HMG20A: variants seen among roughly 807,000 people sequenced by gnomAD.
HMG20A encodes high mobility group protein 20A.
A neutral mutation model predicts 43.9 loss-of-function variants in HMG20A; 17 were observed. The ratio of observed to expected loss-of-function variants is 0.39; its 90% confidence interval spans 0.27 to 0.58. HMG20A has a LOEUF of 0.58. HMG20A is among the 20% of genes least tolerant of loss of function. HMG20A has a pLI of 0.59. For missense variants in HMG20A, 341 were observed against 438.2 expected, an observed-to-expected ratio of 0.78 and a Z score of 1.98; for synonymous variants, 132 against 147.5, an observed-to-expected ratio of 0.89 and a Z score of 0.76.
intron 5 of HMG20A, among the ~76,000 whole-genome samples, chr15:77,471,255 T>G (rs1426980568): frequency 6.6e-6 from 1 of 152,192 alleles, no homozygotes; most frequent in African/African-American, 2.4e-5. Flanking sequence ...TTATCAATGA[T>G]TTTGACTTGT....
chr15:77,513,364 G>C, the HMG20A span, among the ~76,000 whole-genome samples: 2 of 152,170 alleles, frequency 1.3e-5, no homozygotes, highest in African/African-American at 4.8e-5. Flanking sequence ...CCTGGGGACA[G>C]AGCCAATAGA....
chr15:77,432,606 C>T (rs982439301), intron 1 of HMG20A, among the ~76,000 whole-genome samples: 1 of 151,440 alleles, frequency 6.6e-6, no homozygotes, highest in African/African-American at 2.4e-5. Flanking sequence ...CCTGTAATCC[C>T]AGCTACTCAG....
chr15:77,461,622 A>G (rs183021374), intron 2 of HMG20A, among the ~76,000 whole-genome samples: 36 of 152,168 alleles, frequency 2.4e-4, no homozygotes, highest in Non-Finnish European at 4.3e-4. Flanking sequence ...CTTGTCATCA[A>G]GAAGGCATGT....
intron 6 of HMG20A, among the ~76,000 whole-genome samples, chr15:77,473,916 C>T (rs954361680): frequency 6.6e-6 from 1 of 152,076 alleles, no homozygotes; most frequent in Non-Finnish European, 1.5e-5. Context: ...GCGTGTTGAC[C>T]CAATTAATGT....
At chr15:77,469,292 C>T (rs1482203642) in intron 4 of HMG20A, among the ~76,000 whole-genome samples, 1 of 121,178 alleles carries the variant, frequency 8.3e-6, no homozygotes, top group East Asian at 2.4e-4. Flanking sequence ...ATTTAGCATC[C>T]ATTGATTATT....
chr15:77,479,914 C>T (rs1036594502), intron 9 of HMG20A, among the ~76,000 whole-genome samples: 4 of 152,198 alleles, frequency 2.6e-5, no homozygotes, highest in African/African-American at 9.7e-5. Context: ...ATTCACCACT[C>T]AATAACACAG....
chr15:77,513,653 T>C, the HMG20A span, among the ~76,000 whole-genome samples: 1 of 152,264 alleles, frequency 6.6e-6, no homozygotes, highest in African/African-American at 2.4e-5. Flanking sequence ...ACTTGGTGTC[T>C]CTTTCTCTTC....
At chr15:77,471,671 AT>A (rs1164723098) in intron 5 of HMG20A, 111 bp from the exon 6 acceptor site, 1 of 703,762 alleles carries the variant, frequency 1.4e-6, no homozygotes, top group Non-Finnish European at 2.5e-6. Context: ...ATCATATGTT[AT>A]GAGAATCTAC....
chr15:77,435,536 C>T (rs1028780585), intron 1 of HMG20A, among the ~76,000 whole-genome samples: 2 of 152,064 alleles, frequency 1.3e-5, no homozygotes, highest in African/African-American at 2.4e-5. Context: ...TCAAGTGATC[C>T]GCCCGCCTCG....
At chr15:77,508,821 A>T in the HMG20A span, among the ~76,000 whole-genome samples, 1 of 152,202 alleles carries the variant, frequency 6.6e-6, no homozygotes, top group Non-Finnish European at 1.5e-5. Flanking sequence ...CCTGACTCTT[A>T]TTCTGTGGTT....
intron 1 of HMG20A, among the ~76,000 whole-genome samples, chr15:77,451,065 G>C (rs979534995): frequency 1.3e-5 from 2 of 152,300 alleles, no homozygotes; most frequent in South Asian, 2.1e-4. Flanking sequence ...TATGCACTAA[G>C]TTTCCTCCAT....
the HMG20A span, among the ~76,000 whole-genome samples, chr15:77,499,296 ATC>A: frequency 6.6e-6 from 1 of 152,048 alleles, no homozygotes; most frequent in Non-Finnish European, 1.5e-5. Flanking sequence ...GGAGTTCCTG[ATC>A]TCTCTTTCCA....
At chr15:77,464,144 G>A in intron 2 of HMG20A, 96 bp from the exon 3 acceptor site, 1 of 1,293,756 alleles carries the variant, frequency 7.7e-7, no homozygotes, top group Non-Finnish European at 1.1e-6. Context: ...ATTAATTCAA[G>A]GACTGGCATG....
chr15:77,499,842 T>C, the HMG20A span, among the ~76,000 whole-genome samples: 1 of 151,910 alleles, frequency 6.6e-6, no homozygotes. Flanking sequence ...TTCTTTTTTT[T>C]TTTTTGAGAC....
chr15:77,470,495 CA>C (rs2072797078), intron 4 of HMG20A, among the ~76,000 whole-genome samples: 1 of 152,126 alleles, frequency 6.6e-6, no homozygotes, highest in South Asian at 2.1e-4. Flanking sequence ...GACAGCAAAA[CA>C]AAGTAATATT....
At chr15:77,473,572 T>C (rs1174734452) in intron 6 of HMG20A, among the ~76,000 whole-genome samples, 1 of 152,272 alleles carries the variant, frequency 6.6e-6, no homozygotes, top group Non-Finnish European at 1.5e-5. Flanking sequence ...CTGGCCAAAC[T>C]ATATGTAGCA....
At chr15:77,489,783 G>A (rs1303270208), downstream of HMG20A, among the ~76,000 whole-genome samples, 1 of 152,214 alleles carries the variant, frequency 6.6e-6, no homozygotes, top group Non-Finnish European at 1.5e-5. Context: ...AATGAACTCT[G>A]GAATTTCAAG....
chr15:77,499,501 C>T, the HMG20A span, among the ~76,000 whole-genome samples: 1 of 152,228 alleles, frequency 6.6e-6, no homozygotes, highest in East Asian at 1.9e-4. Flanking sequence ...CTGCTCCCAG[C>T]CCTCCACATC....
At chr15:77,496,206 G>A in the HMG20A span, among the ~76,000 whole-genome samples, 1 of 152,182 alleles carries the variant, frequency 6.6e-6, no homozygotes, top group Non-Finnish European at 1.5e-5. Context: ...AGTTCATTGT[G>A]TTCTTGGATA....
Sources: allele counts gnomAD v4.1 joint callset (sites outside exome capture counted in the v4.1 genomes callset), GRCh38; gene constraint gnomAD v4.1.1; transcripts MANE v1.5; gene names NCBI Gene and HGNC (gene_info 2026-07-23, HGNC 2026-07-21).